The following MPHOSPH8 variants were observed in gnomAD, a reference collection of about 807,000 sequenced individuals.
MPHOSPH8 encodes M-phase phosphoprotein, mpp.
A neutral mutation model predicts 87.3 loss-of-function variants in MPHOSPH8; 45 were observed. The observed-to-expected ratio is 0.52, with a 90% CI of 0.41 to 0.66. MPHOSPH8 has a LOEUF of 0.66. Among genes scored for constraint, MPHOSPH8 ranks in the 30% least tolerant of loss-of-function variants. MPHOSPH8 has a pLI of 0.00. For synonymous variants in MPHOSPH8, 366 were observed against 376.9 expected, an observed-to-expected ratio of 0.97 and a Z score of 0.33; for missense variants, 883 against 1,020.2, an observed-to-expected ratio of 0.87 and a Z score of 1.83.
rs759629606 is a variant in MPHOSPH8, at chr13:19,633,909, A to T, written c.161A>T (p.Asp54Val). 2 of 1,611,740 alleles carry T rather than the reference A, an allele frequency of 1.2e-6. No homozygotes were observed. The highest frequency in any genetic ancestry group is 1.7e-6 in the Non-Finnish European group (2 of 1,179,350). ...GAGGCCTTTGGCGACAGTGAGGAGG[A>T]CGGAGAGGATGTGTTCGAGGTGGAG... ...GAEAFGDSEEDGEDVFEVEKI... is the reference protein window; with the variant it reads ...GAEAFGDSEEVGEDVFEVEKI... The change falls in exon 1 of 14, where the codon GAC (aspartate) becomes GTC (valine). Residue 54 changes from aspartate to valine, a missense_variant. Around this residue, in one of 3 missense-constraint regions of MPHOSPH8, gnomAD observed 103 missense variants for 96.3 expected, o/e 1.07. Transcript: ENST00000361479.
intron 5 of MPHOSPH8, among the ~76,000 whole-genome samples, chr13:19,657,965 G>A (rs770451266): frequency 6.6e-6 from 1 of 152,162 alleles, no homozygotes; most frequent in Non-Finnish European, 1.5e-5. Context: ...TCTGTAACAT[G>A]TCTCCCCTTA....
chr13:19,643,100 G>A (rs563687739), intron 2 of MPHOSPH8, among the ~76,000 whole-genome samples: 1 of 152,238 alleles, frequency 6.6e-6, no homozygotes, highest in African/African-American at 2.4e-5. Flanking sequence ...AGTATTTTTA[G>A]CTTTTTTTTC....
chr13:19,634,003 C>G, intron 1 of MPHOSPH8, 42 bp downstream of exon 1: 1 of 1,574,470 alleles, frequency 6.4e-7, no homozygotes, highest in Non-Finnish European at 8.6e-7. Flanking sequence ...CGGGGAGCTC[C>G]GGGCCTGGCG....
chr13:19,660,337 T>C (rs1051350721), intron 7 of MPHOSPH8, among the ~76,000 whole-genome samples: 1 of 152,164 alleles, frequency 6.6e-6, no homozygotes, highest in African/African-American at 2.4e-5. Context: ...GTTTGAGTCT[T>C]GTATTGCTTG....
chr13:19,644,661 G>T (rs369729194), intron 2 of MPHOSPH8, among the ~76,000 whole-genome samples: 1 of 152,220 alleles, frequency 6.6e-6, no homozygotes, highest in East Asian at 1.9e-4. Context: ...TGGTAGGAAG[G>T]CTCTTGAGAA....
intron 1 of MPHOSPH8, among the ~76,000 whole-genome samples, chr13:19,638,900 T>C (rs1253867164): frequency 6.6e-6 from 1 of 151,780 alleles, no homozygotes; most frequent in Non-Finnish European, 1.5e-5. Flanking sequence ...CTGGCCAACA[T>C]GGTGAAACCC....
intron 11 of MPHOSPH8, 149 bp from the exon 12 acceptor site, chr13:19,670,087 G>T: frequency 1.1e-6 from 1 of 873,660 alleles, no homozygotes; most frequent in Non-Finnish European, 1.8e-6. Flanking sequence ...AGCTTTGAGA[G>T]GGCCAGCCTC....
intron 7 of MPHOSPH8, 67 bp downstream of exon 7, chr13:19,659,356 A>G: frequency 7.7e-7 from 1 of 1,291,584 alleles, no homozygotes; most frequent in Non-Finnish European, 1.1e-6. Flanking sequence ...ATTCAGTTTA[A>G]CTTTTCATTT....
chr13:19,660,558 T>G (rs968911883), intron 7 of MPHOSPH8, among the ~76,000 whole-genome samples: 1 of 152,184 alleles, frequency 6.6e-6, no homozygotes. Context: ...GAATTGACAT[T>G]TACTTTTTGC....
chr13:19,638,025 C>T (rs898484044), intron 1 of MPHOSPH8, among the ~76,000 whole-genome samples: 2 of 150,668 alleles, frequency 1.3e-5, no homozygotes, highest in East Asian at 2.0e-4. Context: ...GGCATGAACC[C>T]GGGAGGTGGA....
Position 19,670,276 on chromosome 13 carries a change from G to A in MPHOSPH8, c.2370G>A (p.Leu790=). 6.2e-7 allele frequency: 1 copy of A among 1,614,118 alleles called. No homozygotes were observed. Among genetic ancestry groups the A allele is most frequent in the Non-Finnish European group, 8.5e-7 (1 of 1,179,974 alleles). The change falls in exon 12 of 14, where the codon TTG becomes TTA. Residue 790 remains leucine (L), a synonymous_variant. Transcript: ENST00000361479. The part of the protein sequence containing the change: ...ILLFIFHANF[L]GKEVIARLCG... ...TGTTTATCTTCCATGCAAACTTTTT[G>A]GGTAAAGAAGTTATTGCTCGGCTCT...
At chr13:19,637,655 C>T (rs1045905674) in intron 1 of MPHOSPH8, among the ~76,000 whole-genome samples, 4 of 151,962 alleles carry the variant, frequency 2.6e-5, no homozygotes, top group African/African-American at 7.2e-5. Context: ...AAATATATTG[C>T]TTTCTTTTAG....
intron 12 of MPHOSPH8, 142 bp downstream of exon 12, chr13:19,670,505 A>G (rs1247978143): frequency 4.9e-6 from 5 of 1,028,478 alleles, no homozygotes; most frequent in Non-Finnish European, 6.9e-6. Flanking sequence ...ATGAGGCAAT[A>G]CCCATAAAGT....
Position 19,670,273 on chromosome 13 carries a change from T to C in MPHOSPH8, c.2367T>C (p.Phe789=). The change falls in exon 12 of 14, where the codon TTT becomes TTC. Residue 789 remains phenylalanine (F), a synonymous_variant. Transcript: ENST00000361479. ...GILLFIFHAN[F]LGKEVIARLC... ...TGCTGTTTATCTTCCATGCAAACTT[T>C]TTGGGTAAAGAAGTTATTGCTCGGC... 4 of 1,614,174 alleles carry C rather than the reference T, an allele frequency of 2.5e-6. No homozygotes were observed. Among genetic ancestry groups the C allele is most frequent in the Non-Finnish European group, 2.5e-6 (3 of 1,179,996 alleles).
intron 7 of MPHOSPH8, among the ~76,000 whole-genome samples, chr13:19,659,951 AT>A (rs1464464841): frequency 1.6e-5 from 2 of 125,466 alleles, no homozygotes; most frequent in Non-Finnish European, 3.2e-5. Flanking sequence ...ACTGATATGT[AT>A]GGATTTTTTT....
At chr13:19,653,829 G>A (rs1372593820) in intron 5 of MPHOSPH8, among the ~76,000 whole-genome samples, 1 of 152,132 alleles carries the variant, frequency 6.6e-6, no homozygotes, top group African/African-American at 2.4e-5. Flanking sequence ...TCAACTTAAT[G>A]AAATAAAGCA....
intron 1 of MPHOSPH8, among the ~76,000 whole-genome samples, chr13:19,637,058 C>T (rs1874047124): frequency 6.6e-6 from 1 of 152,144 alleles, no homozygotes; most frequent in Non-Finnish European, 1.5e-5. Flanking sequence ...CTGCCATGCT[C>T]CTAAAACTCA....
chr13:19,667,991 G>T (rs537514236), intron 10 of MPHOSPH8, among the ~76,000 whole-genome samples: 1 of 152,156 alleles, frequency 6.6e-6, no homozygotes, highest in East Asian at 1.9e-4. Flanking sequence ...CACACGGGGG[G>T]TTTGCATAGA....
In MPHOSPH8 at chr13:19,642,227, A is replaced by G. The variant is rs1420426396; in HGVS notation, c.326A>G (p.Lys109Arg). ...CKEVLLEFRKKIAENKAKAVR... is the reference protein window; with the variant it reads ...CKEVLLEFRKRIAENKAKAVR... ...GAAGTGCTTCTTGAATTTAGGAAGA[A>G]AATTGCAGAGAACAAAGCCAAAGCA... The change falls in exon 2 of 14, where the codon AAA becomes AGA. Residue 109 changes from lysine (K) to arginine (R), a missense_variant. Lys to Arg is a conservative substitution (Grantham distance 26). Around this residue, in one of 3 missense-constraint regions of MPHOSPH8, gnomAD observed 39 missense variants for 82.4 expected, o/e 0.47. Transcript: ENST00000361479. 6.2e-7 allele frequency: 1 copy of G among 1,610,908 alleles called. No homozygotes were observed. Among genetic ancestry groups the G allele is most frequent in the Admixed American group, 1.7e-5 (1 of 59,128 alleles).
Sources: allele counts gnomAD v4.1 joint callset (sites outside exome capture counted in the v4.1 genomes callset), GRCh38; gene constraint gnomAD v4.1.1; regional missense constraint gnomAD v4.1.1; transcripts MANE v1.5; gene names NCBI Gene and HGNC (gene_info 2026-07-23, HGNC 2026-07-21).